Variants in PIEZO1 observed in about 807,000 individuals in gnomAD.
PIEZO1 encodes piezo type mechanosensitive ion channel component 1 (Er blood group).
A neutral mutation model predicts 297.2 loss-of-function variants in PIEZO1; 296 were observed. The observed-to-expected ratio is 1.00, with a 90% CI of 0.91 to 1.10. PIEZO1 has a LOEUF of 1.10. Ranked by LOEUF, PIEZO1 falls within the 50% of genes least tolerant of loss-of-function variation. PIEZO1 has a pLI of 0.00. For synonymous variants in PIEZO1, 2,427 were observed against 1,507.5 expected (o/e 1.61, Z -14.13); for missense variants, 5,018 against 3,455.5 (o/e 1.45, Z -11.34).
Position 88,722,575 on chromosome 16 carries a change from G to A in PIEZO1, c.4775+8C>T, listed in dbSNP as rs939309278. On this transcript the variant is annotated splice_region_variant and intron_variant, in intron 35 of 50. Coordinates refer to ENST00000301015, the MANE Select transcript of PIEZO1 (RefSeq NM_001142864.4). ...AGCAGCTGGGGCTCGGGTCACCCCC[G>A]CACCTACCTGGACACGGTGCTTGGG... is the stretch of plus-strand genomic sequence containing the variant. 1.8e-5 allele frequency: 28 copies of A among 1,518,774 alleles called. No homozygotes were observed. Among genetic ancestry groups the A allele is most frequent in the African/African-American group, 6.9e-5 (5 of 72,408 alleles). The allele number at this position is 1,518,774 out of a possible 1,614,324, so 94.1% of individuals were successfully genotyped here.
intron 44 of PIEZO1, chr16:88,717,469 G>T (rs905894223): frequency 1.3e-5 from 8 of 604,956 alleles, no homozygotes; most frequent in East Asian, 3.4e-5. Flanking sequence ...TTTCAACACG[G>T]TGCAGGCACC....
Position 88,716,716 on chromosome 16 carries a change from T to C in PIEZO1, c.6769A>G (p.Ile2257Val). The change falls in exon 47 of 51, where the codon ATC (isoleucine) becomes GTC (valine). Residue 2257 changes from isoleucine to valine, a missense_variant. Ile to Val is a conservative substitution (Grantham distance 29). Coordinates refer to ENST00000301015, the MANE Select transcript of PIEZO1 (RefSeq NM_001142864.4). ...ATGTCCTCAGGGCTGTACTGGCTGATGAACTGCATGGCCAGCTGGGTACAA... is the reference window on the plus strand; with the variant it reads ...ATGTCCTCAGGGCTGTACTGGCTGACGAACTGCATGGCCAGCTGGGTACAA... ...FDPQPLAMQF[I>V]SQYSPEDIVT... 6.5e-7 allele frequency: 1 copy of C among 1,548,300 alleles called. No individual in the cohort carries two copies. The highest frequency in any genetic ancestry group is 8.7e-7 in the Non-Finnish European group (1 of 1,146,834).
intron 27 of PIEZO1, 150 bp from the exon 28 acceptor site, chr16:88,725,834 C>T (rs774291299): frequency 3.2e-6 from 2 of 620,678 alleles, no homozygotes; most frequent in Non-Finnish European, 5.9e-6. Flanking sequence ...GCATCTGCTG[C>T]CCCCACCCTC....
chr16:88,732,194 G>C, intron 21 of PIEZO1, 141 bp downstream of exon 21: 1 of 688,970 alleles, frequency 1.5e-6, no homozygotes, highest in Non-Finnish European at 2.5e-6. Context: ...CAGGGAAGCC[G>C]TGCCTGGCCC....
intron 11 of PIEZO1, 41 bp downstream of exon 11, chr16:88,736,598 G>A (rs748689257): frequency 3.9e-5 from 58 of 1,497,426 alleles, no homozygotes; most frequent in African/African-American, 1.1e-4. Flanking sequence ...ACACCTGCGC[G>A]GCAGAGGGGG....
At position 88,722,864 on chromosome 16, in the gene PIEZO1, G is replaced by C. The variant is rs750202230; in HGVS notation, c.4641C>G (p.Arg1547=). The C allele has an allele frequency of 4.5e-6, 7 of 1,547,776 alleles. No individual in the cohort carries two copies. The highest frequency in any genetic ancestry group is 5.2e-6 in the Non-Finnish European group (6 of 1,146,790). Residue 1547 remains arginine (R), a synonymous_variant, in exon 34 of 51, where the codon CGC becomes CGG. Transcript: ENST00000301015. Reference sequence around the variant, plus strand: ...GCAGGAGCTCCTGTGTGAGGAGGTAGCGCTCTGCCCGCAGCACGTCGCTCA... The same window carrying C: ...GCAGGAGCTCCTGTGTGAGGAGGTACCGCTCTGCCCGCAGCACGTCGCTCA... ...GTMSDVLRAE[R]YLLTQELLQG...
chr16:88,733,025 C>T, intron 19 of PIEZO1: 1 of 582,912 alleles, frequency 1.7e-6, no homozygotes, highest in Non-Finnish European at 3.0e-6. Flanking sequence ...GGGTGGGGCC[C>T]TCCCGTCCTC....
At position 88,721,297 on chromosome 16, in the gene PIEZO1, G is replaced by A. The variant is rs1410320590; in HGVS notation, c.5537C>T (p.Ala1846Val). 15 of 1,545,292 alleles carry A rather than the reference G, an allele frequency of 9.7e-6. No homozygotes were observed. The highest frequency in any genetic ancestry group is 1.7e-4 in the Middle Eastern group (1 of 5,990). ...GGTCCCGTCCGTGGGTCCGACCCTG[G>A]CTTCCACCTGAATGTGGTCTTCGGT... The part of the protein sequence containing the change: ...ATTEDHIQVE[A>V]RVGPTDGTPE... The change falls in exon 39 of 51, where the codon GCC becomes GTC. Residue 1846 changes from alanine to valine, a missense_variant. Ala to Val is a moderately conservative substitution (Grantham distance 64, BLOSUM62 0). Coordinates refer to ENST00000301015, the MANE Select transcript of PIEZO1 (RefSeq NM_001142864.4).
At chr16:88,744,807 C>T (rs1041734966) in intron 2 of PIEZO1, among the ~76,000 whole-genome samples, 2 of 152,048 alleles carry the variant, frequency 1.3e-5, no homozygotes, top group Non-Finnish European at 1.5e-5. Context: ...CACGCCCGCT[C>T]CCTGCCTGGG....
In PIEZO1 at chr16:88,725,552, T is replaced by C. The variant is rs545782788; in HGVS notation, c.4059-33A>G. On this transcript the variant is annotated intron_variant, in intron 28 of 50. Transcript: ENST00000301015. ...GGGGAAAGGTGGGGTATGCTGAGCA[T>C]TGGGGGGAGGAGCCGGGGAGTCCCC... 149 of 1,535,684 alleles carry C rather than the reference T, an allele frequency of 9.7e-5. 2 individuals carry two copies. In the South Asian group the frequency reaches 1.3e-3, roughly 14 times the overall value.
intron 1 of PIEZO1, among the ~76,000 whole-genome samples, chr16:88,774,690 A>G (rs1907578795): frequency 6.6e-6 from 1 of 152,248 alleles, no homozygotes; most frequent in Admixed American, 6.5e-5. Flanking sequence ...GATGGGGCCC[A>G]AGGGCAAAGA....
intron 31 of PIEZO1, 106 bp downstream of exon 31, chr16:88,723,765 G>C (rs1349345352): frequency 1.5e-6 from 1 of 656,508 alleles, no homozygotes; most frequent in Non-Finnish European, 2.7e-6. Context: ...AGGTGGAGGA[G>C]CTCGGCTCCC....
intron 2 of PIEZO1, among the ~76,000 whole-genome samples, chr16:88,746,493 G>T (rs1212685221): frequency 2.0e-5 from 3 of 151,978 alleles, no homozygotes; most frequent in Non-Finnish European, 4.4e-5. Flanking sequence ...TCCCTGTTCA[G>T]TCTGAGCTCA....
chr16:88,757,241 TAGG>T lies in PIEZO1; in HGVS notation c.65-7765_65-7763del, dbSNP rs1190975063. Among the ~76,000 whole-genome samples, 6 of 143,478 alleles carry T rather than the reference TAGG, an allele frequency of 4.2e-5. No individual in the cohort carries two copies. The South Asian group carries it at 1.3e-3, about 32-fold the overall frequency. 94.1% of individuals were successfully genotyped at this position (143,478 alleles called of 152,430 possible). A position where few individuals can be genotyped will look rare whatever the true frequency, so the allele number is the denominator to read the frequency against. On this transcript the variant is annotated intron_variant, in intron 1 of 50. Coordinates refer to ENST00000301015, the MANE Select transcript of PIEZO1 (RefSeq NM_001142864.4). ...GCTGGAAGACGCGATGCATTGAGGT[TAGG>T]AGGAGGGACCTCGAGAGAGCTGGCA...
At chr16:88,733,246 T>A in intron 19 of PIEZO1, 32 bp downstream of exon 19, 1 of 1,526,666 alleles carries the variant, frequency 6.6e-7, no homozygotes, top group Non-Finnish European at 8.9e-7. Flanking sequence ...TGCCTGGAGC[T>A]TCCTCCCGTC....
chr16:88,766,132 G>A (rs900783658), intron 1 of PIEZO1, among the ~76,000 whole-genome samples: 2 of 152,228 alleles, frequency 1.3e-5, no homozygotes, highest in Non-Finnish European at 2.9e-5. Context: ...AGCGCTGCTG[G>A]GCCACGCTGC....
chr16:88,735,069 G>A lies in PIEZO1; in HGVS notation c.1670-16C>T. The stretch of plus-strand genomic sequence containing the variant: ...CGCGTGGGCTCTGTGGGCCAAGCCA[G>A]GGGCAGGCGATGGCATCAGGGCGGG... On this transcript the variant is annotated splice_polypyrimidine_tract_variant and intron_variant, in intron 13 of 50. Coordinates refer to ENST00000301015, the MANE Select transcript of PIEZO1 (RefSeq NM_001142864.4). 6.5e-7 allele frequency: 1 copy of A among 1,550,190 alleles called. No homozygotes were observed. The highest frequency in any genetic ancestry group is 8.7e-7 in the Non-Finnish European group (1 of 1,146,804).
At chr16:88,759,748 G>T (rs1366692841) in intron 1 of PIEZO1, among the ~76,000 whole-genome samples, 1 of 152,204 alleles carries the variant, frequency 6.6e-6, no homozygotes, top group Non-Finnish European at 1.5e-5. Context: ...TTGGCCCAGG[G>T]GACGGGGGGA....
rs184307503 is a variant in PIEZO1, at chr16:88,762,275, C to G, written c.65-12796G>C. ...AAGGGCCCCCGCTGGCCTTTGCACA[C>G]AGCAGGCACTCAGAGGGGCGGTGAC... On this transcript the variant is annotated intron_variant, in intron 1 of 50. Transcript: ENST00000301015. Among the ~76,000 whole-genome samples the G allele has an allele frequency of 2.0e-5, 3 of 152,292 alleles. No individual in the cohort carries two copies. The East Asian group carries it at 5.8e-4, about 29-fold the overall frequency.
Sources: allele counts gnomAD v4.1 joint callset (sites outside exome capture counted in the v4.1 genomes callset), GRCh38; gene constraint gnomAD v4.1.1; transcripts MANE v1.5; gene names NCBI Gene and HGNC (gene_info 2026-07-23, HGNC 2026-07-21).